DLGAP1: variants seen among roughly 807,000 people sequenced by gnomAD.
The protein encoded by DLGAP1 is DLG associated protein 1.
DLGAP1 carries 11 observed loss-of-function variants against 90.8 expected under a neutral mutation model. The observed-to-expected ratio is 0.12, with a 90% confidence interval of 0.08 to 0.20. DLGAP1 has a LOEUF of 0.20. Among genes scored for constraint, DLGAP1 ranks in the 10% least tolerant of loss-of-function variants. The pLI is 1.00. For synonymous variants in DLGAP1, 558 were observed against 540.7 expected (o/e 1.03, Z -0.44); for missense variants, 1,050 against 1,333.8 (o/e 0.79, Z 3.31).
At chr18:4,197,039 G>A (rs2077510412) in intron 1 of DLGAP1, among the ~76,000 whole-genome samples, 1 of 151,814 alleles carries the variant, frequency 6.6e-6, no homozygotes, top group African/African-American at 2.4e-5. Context: ...TCAGTGTGGT[G>A]GTGGGCGCCT....
At chr18:4,198,046 C>T (rs1568446273) in intron 1 of DLGAP1, among the ~76,000 whole-genome samples, 1 of 151,800 alleles carries the variant, frequency 6.6e-6, no homozygotes, top group Non-Finnish European at 1.5e-5. Flanking sequence ...CCAGTGAAAC[C>T]CCGTCTCTAC....
At chr18:3,642,557 C>T (rs2058976720) in intron 7 of DLGAP1, among the ~76,000 whole-genome samples, 2 of 152,138 alleles carry the variant, frequency 1.3e-5, no homozygotes, top group Admixed American at 1.3e-4. Flanking sequence ...TCACTCAGTC[C>T]TGCATTTGAA....
chr18:3,884,361 T>C (rs997953336), intron 3 of DLGAP1, among the ~76,000 whole-genome samples: 3 of 152,216 alleles, frequency 2.0e-5, no homozygotes, highest in African/African-American at 7.2e-5. Flanking sequence ...TCACATATAG[T>C]AGAATCTCAA....
At chr18:4,294,748 C>T (rs1417384689) in intron 1 of DLGAP1, 2 of 152,282 alleles carry the variant, frequency 1.3e-5, no homozygotes, top group Non-Finnish European at 2.9e-5. Flanking sequence ...TATCCAGCAT[C>T]CAGGAAGAAT....
At chr18:4,251,709 A>G (rs568735315) in intron 1 of DLGAP1, among the ~76,000 whole-genome samples, 2 of 152,352 alleles carry the variant, frequency 1.3e-5, no homozygotes, top group South Asian at 2.1e-4. Flanking sequence ...TGTCTAAAGA[A>G]GCAGGGGGTG....
intron 3 of DLGAP1, among the ~76,000 whole-genome samples, chr18:3,910,058 C>T (rs1247268119): frequency 6.6e-6 from 1 of 150,666 alleles, no homozygotes; most frequent in Non-Finnish European, 1.5e-5. Context: ...TCATCATTTG[C>T]CATTTTTTTC....
In DLGAP1 at chr18:3,508,633, G is replaced by A. The variant is rs751826163; in HGVS notation, c.2508C>T (p.Gly836=). 2 of 1,613,778 alleles carry A rather than the reference G, an allele frequency of 1.2e-6. No homozygotes were observed. Among genetic ancestry groups the A allele is most frequent in the African/African-American group, 2.7e-5 (2 of 74,924 alleles). ...DILGKIRTAV[G]SAQLLMAQKF... ...TCTGGGCCATGAGAAGTTGGGCACTGCCCACTGCGGTTCGGATTTTTCCTA... is the reference window on the plus strand; with the variant it reads ...TCTGGGCCATGAGAAGTTGGGCACTACCCACTGCGGTTCGGATTTTTCCTA... Residue 836 remains glycine (G), a synonymous_variant, in exon 11 of 13, where the codon GGC becomes GGT. Coordinates refer to ENST00000315677, the MANE Select transcript of DLGAP1 (RefSeq NM_004746.4).
chr18:3,945,355 C>T (rs900977048), intron 3 of DLGAP1, among the ~76,000 whole-genome samples: 1 of 152,154 alleles, frequency 6.6e-6, no homozygotes, highest in African/African-American at 2.4e-5. Flanking sequence ...TGGAAGCAAG[C>T]TTGAAGCAAC....
At chr18:4,002,077 A>T (rs2074198159) in intron 3 of DLGAP1, among the ~76,000 whole-genome samples, 1 of 151,886 alleles carries the variant, frequency 6.6e-6, no homozygotes, top group African/African-American at 2.4e-5. Context: ...GCTTTATTGG[A>T]GATGTTGTCT....
At chr18:3,508,533 A>T (rs775970421) in intron 11 of DLGAP1, 37 bp downstream of exon 11, 1 of 1,494,052 alleles carries the variant, frequency 6.7e-7, no homozygotes, top group Non-Finnish European at 9.2e-7. Context: ...TTCTCATGGC[A>T]CTAGCAGGGA....
chr18:4,194,562 A>AT (rs1386367348), intron 1 of DLGAP1, among the ~76,000 whole-genome samples: 4 of 152,124 alleles, frequency 2.6e-5, no homozygotes, highest in Admixed American at 6.5e-5. Flanking sequence ...GAGTGTACGT[A>AT]TTTTTTTCAA....
Position 3,557,247 on chromosome 18 carries a change from T to C in DLGAP1, c.2057+10243A>G, listed in dbSNP as rs1004292456. On this transcript the variant is annotated intron_variant, in intron 9 of 12. Coordinates refer to ENST00000315677, the MANE Select transcript of DLGAP1 (RefSeq NM_004746.4). ...TTTAATAAGTTGTATTTCTGCCGGG[T>C]GCGGTGGCTCACGCCTGTAATCCCA... Among the ~76,000 whole-genome samples, 8 of 152,084 alleles carry C rather than the reference T, an allele frequency of 5.3e-5. No individual in the cohort carries two copies. The East Asian group carries it at 1.5e-3, about 29-fold the overall frequency.
chr18:4,164,557 G>A (rs764482772), intron 1 of DLGAP1, among the ~76,000 whole-genome samples: 13 of 152,094 alleles, frequency 8.5e-5, no homozygotes, highest in Non-Finnish European at 1.3e-4. Context: ...ATGGGCGCCT[G>A]TAATCCCAGC....
At chr18:4,448,288 C>T (rs1179589957) in intron 1 of DLGAP1, among the ~76,000 whole-genome samples, 1 of 152,102 alleles carries the variant, frequency 6.6e-6, no homozygotes, top group Non-Finnish European at 1.5e-5. Context: ...ACATTTTAAT[C>T]GTATTCTTTG....
chr18:3,734,794 C>G (rs1240123738), intron 6 of DLGAP1, among the ~76,000 whole-genome samples: 1 of 152,112 alleles, frequency 6.6e-6, no homozygotes, highest in Non-Finnish European at 1.5e-5. Context: ...TGTAGAAATA[C>G]TTTAAGCAAC....
chr18:4,080,507 A>G (rs935190163), intron 2 of DLGAP1, among the ~76,000 whole-genome samples: 2 of 152,240 alleles, frequency 1.3e-5, no homozygotes, highest in African/African-American at 4.8e-5. Flanking sequence ...TCTGTTGGGC[A>G]GAGATCTGCA....
chr18:3,837,843 T>A (rs1269942762), intron 4 of DLGAP1, among the ~76,000 whole-genome samples: 1 of 75,164 alleles, frequency 1.3e-5, no homozygotes, highest in Admixed American at 2.1e-4. Flanking sequence ...CAGAGTGAGA[T>A]TCTGTCAAAA....
At chr18:4,022,653 T>G (rs2074634122) in intron 2 of DLGAP1, among the ~76,000 whole-genome samples, 1 of 152,242 alleles carries the variant, frequency 6.6e-6, no homozygotes, top group African/African-American at 2.4e-5. Context: ...GCCATGAACA[T>G]GAACACACCT....
At chr18:3,674,588 T>C (rs1106648) in intron 7 of DLGAP1, among the ~76,000 whole-genome samples, 93,007 of 151,664 alleles carry the variant, frequency 0.61, 29,402 homozygotes, top group African/African-American at 0.77. Context: ...CCATGGCACT[T>C]CAGCCTGGGT....
Sources: allele counts gnomAD v4.1 joint callset (sites outside exome capture counted in the v4.1 genomes callset), GRCh38; gene constraint gnomAD v4.1.1; transcripts MANE v1.5; gene names NCBI Gene and HGNC (gene_info 2026-07-23, HGNC 2026-07-21).